Variants in SCN11A observed in about 807,000 individuals in gnomAD.
SCN11A encodes sodium voltage-gated channel alpha subunit 11, also known as sodium channel protein type 11 subunit alpha.
Under a neutral mutation model 162.2 loss-of-function variants are expected in SCN11A, and 122 were observed. The observed-to-expected ratio is 0.75, with a 90% CI of 0.65 to 0.87. The LOEUF (loss-of-function observed/expected upper bound fraction) is 0.87, where lower values mean the gene tolerates loss of function less well. Ranked by LOEUF, SCN11A falls within the 40% of genes least tolerant of loss-of-function variation. The probability of loss-of-function intolerance (pLI) is 0.00; values close to 1 mark genes in which losing one functional copy is unlikely to be tolerated. For missense variants in SCN11A, 2,015 were observed against 2,181.6 expected (o/e 0.92, Z 1.52); for synonymous variants, 758 against 751.5 (o/e 1.01, Z -0.14).
intron 28 of SCN11A, among the ~76,000 whole-genome samples, chr3:38,858,036 AAAACAAAACAAACAAAC>A (rs2064899122): frequency 6.6e-6 from 1 of 152,150 alleles, no homozygotes; most frequent in Non-Finnish European, 1.5e-5. Context: ...ACACCAAAAC[AAAACAAAACAAACAAAC>A]AAACAAAACC....
chr3:38,858,574 G>T (rs1157759657), intron 28 of SCN11A, among the ~76,000 whole-genome samples: 1 of 152,100 alleles, frequency 6.6e-6, no homozygotes, highest in Non-Finnish European at 1.5e-5. Flanking sequence ...GGAGACTTCA[G>T]TATTCCACTG....
At chr3:38,938,509 C>CATATATATATATATATAT (rs1166609754) in intron 7 of SCN11A, among the ~76,000 whole-genome samples, 1 of 35,526 alleles carries the variant, frequency 2.8e-5, no homozygotes, top group Non-Finnish European at 5.5e-5. Flanking sequence ...GGAAAAATAT[C>CATATATATATATATATAT]ATATATATAT....
rs1392187813 is a variant in SCN11A at position 38,900,081 on chromosome 3, G to A, written c.1843-8C>T. On this transcript the variant is annotated splice_region_variant and splice_polypyrimidine_tract_variant and intron_variant, in intron 16 of 29. Transcript: ENST00000302328. ...AAAAATGCTAGTGAAAACCTAGAGT[G>A]GGACAAAGAAGAATGAGAGAAGGAA... The A allele has an allele frequency of 1.9e-6, 3 of 1,612,044 alleles. No homozygotes were observed. The highest frequency in any genetic ancestry group is 2.5e-6 in the Non-Finnish European group (3 of 1,178,426).
At chr3:38,996,330 C>A (rs1414806140) in intron 2 of SCN11A, among the ~76,000 whole-genome samples, 1 of 152,098 alleles carries the variant, frequency 6.6e-6, no homozygotes, top group Non-Finnish European at 1.5e-5. Flanking sequence ...GCAGGGAGTG[C>A]CTAGCAGATA....
intron 4 of SCN11A, 167 bp from the exon 5 acceptor site, chr3:38,950,536 T>TGAC (rs2066597254): frequency 1.5e-6 from 1 of 649,904 alleles, no homozygotes; most frequent in Admixed American, 2.9e-5. Context: ...TCAGAAGAGA[T>TGAC]GACCACCACT....
Position 38,885,293 on chromosome 3 carries a change from G to C in SCN11A, c.3059C>G (p.Pro1020Arg). 3 of 1,592,184 alleles carry C rather than the reference G, an allele frequency of 1.9e-6. No homozygotes were observed. Among genetic ancestry groups the C allele is most frequent in the Non-Finnish European group, 1.7e-6 (2 of 1,160,132 alleles). The change falls in exon 21 of 30, where the codon CCC (proline) becomes CGC (arginine). Residue 1020 changes from proline to arginine, a missense_variant. Physicochemically the swap from Pro to Arg is moderately radical, Grantham distance 103. Coordinates refer to ENST00000302328, the MANE Select transcript of SCN11A (RefSeq NM_001349253.2). Reference sequence around the variant, plus strand: ...GCAGAAATACTGCCACTTACCTTTGGGCAAACATCTCTCTGGTTGCTTTTT... The same window carrying C: ...GCAGAAATACTGCCACTTACCTTTGCGCAAACATCTCTCTGGTTGCTTTTT... ...VPKKQPERCL[P>R]KGFGCCFPCC...
chr3:38,946,272 C>A (rs780661431), intron 6 of SCN11A, among the ~76,000 whole-genome samples: 1 of 152,184 alleles, frequency 6.6e-6, no homozygotes, highest in Admixed American at 6.5e-5. Flanking sequence ...CTTACTCTAC[C>A]CATTTTTGTC....
intron 2 of SCN11A, among the ~76,000 whole-genome samples, chr3:38,981,537 T>TGTGTGTG (rs2030055079): frequency 1.4e-5 from 2 of 145,868 alleles, no homozygotes; most frequent in Admixed American, 1.4e-4. Flanking sequence ...GTGTGTGTGT[T>TGTGTGTG]TGTGTGTGTG....
At chr3:38,888,132 G>C (rs2065433710) in intron 19 of SCN11A, among the ~76,000 whole-genome samples, 1 of 152,202 alleles carries the variant, frequency 6.6e-6, no homozygotes, top group Admixed American at 6.5e-5. Context: ...GCACTTAAGA[G>C]AGAAAGCCAA....
rs370076546 is a variant in SCN11A, at chr3:38,905,251, T to A, written c.1544A>T (p.Asp515Val). ...CAGTGCTCTCTGCCTTTGGAGAGGA[T>A]CTCCATGCTCATCAAAGTGGTCCAG... The part of the protein sequence containing the change: ...LSLDHFDEHG[D>V]PLQRQRALSA... Residue 515 changes from aspartate (D) to valine (V), a missense_variant, in exon 15 of 30, where the codon GAT (aspartate) becomes GTT (valine). By Grantham distance (152) the Asp-to-Val change is radical. Coordinates refer to ENST00000302328, the MANE Select transcript of SCN11A (RefSeq NM_001349253.2). 1.2e-6 allele frequency: 2 copies of A among 1,613,976 alleles called. No individual in the cohort carries two copies. The highest frequency in any genetic ancestry group is 1.7e-6 in the Non-Finnish European group (2 of 1,179,982).
chr3:38,849,011 G>C (rs904026206), intron 29 of SCN11A, among the ~76,000 whole-genome samples: 1 of 152,182 alleles, frequency 6.6e-6, no homozygotes, highest in Non-Finnish European at 1.5e-5. Flanking sequence ...CTACCGCTGA[G>C]TATTATTTGG....
rs1351756131 is a variant in SCN11A at position 38,894,542 on chromosome 3, A to G, written c.2826T>C (p.Pro942=). 1.2e-6 allele frequency: 2 copies of G among 1,602,214 alleles called. No homozygotes were observed. Among genetic ancestry groups the G allele is most frequent in the African/African-American group, 2.7e-5 (2 of 74,668 alleles). Residue 942 remains proline, a synonymous_variant, in exon 19 of 30, where the codon CCT becomes CCC. Transcript: ENST00000302328. The part of the protein sequence containing the change: ...DNAQRITQPE[P]EQQAYELHQE... ...GTGTGAACCTTCATACCTGTTGTTC[A>G]GGCTCAGGTTGTGTGATGCGCTGTG...
rs35693485 is a variant in SCN11A, at chr3:38,883,320, G to C, written c.3132C>G (p.Asn1044Lys). ...CTATTTGGTAGCAGGTTTTCCGCAG[G>C]TTCCACCAAATGACCCAGGGAGGCT... is the stretch of plus-strand genomic sequence containing the variant. ...KRKPPWVIWW[N>K]LRKTCYQIVK... Residue 1044 changes from asparagine (N) to lysine (K), a missense_variant, in exon 22 of 30, where the codon AAC becomes AAG. By Grantham distance (94) the Asn-to-Lys change is moderately conservative (BLOSUM62 0). Transcript: ENST00000302328. The C allele has an allele frequency of 1.0e-3, 1,652 of 1,613,948 alleles. 8 individuals carry two copies. The African/African-American group carries it at 0.013, about 12-fold the overall frequency.
Position 38,894,712 on chromosome 3 carries a change from C to A in SCN11A, c.2656G>T (p.Glu886Ter), listed in dbSNP as rs759833419. ...TGGGTCTCTGAGCCCCTTTTCATCT[C>A]CATGACCAGGGGAATGATGTCTTTG... ...QSKDIIPLVM[E>*]MKRGSETQEE... is the part of the protein sequence containing the mutation. Residue 886 changes from glutamate to a stop codon, truncating the protein, a stop_gained, in exon 19 of 30, where the codon GAG (glutamate) becomes TAG (stop). Transcript: ENST00000302328. LOFTEE classifies it high-confidence loss of function. 1.2e-6 allele frequency: 2 copies of A among 1,614,180 alleles called. No individual in the cohort carries two copies. Among genetic ancestry groups the A allele is most frequent in the East Asian group, 4.5e-5 (2 of 44,886 alleles).
intron 19 of SCN11A, 101 bp downstream of exon 19, chr3:38,894,432 C>G: frequency 1.0e-6 from 1 of 976,600 alleles, no homozygotes; most frequent in Admixed American, 2.3e-5. Context: ...GTTTTGTACC[C>G]TTATTATCCT....
chr3:39,017,951 A>G (rs1222875058), intron 2 of SCN11A, among the ~76,000 whole-genome samples: 2 of 152,226 alleles, frequency 1.3e-5, no homozygotes, highest in Non-Finnish European at 2.9e-5. Flanking sequence ...GTATTCCTAT[A>G]AATATTCTTA....
intron 29 of SCN11A, chr3:38,849,257 C>CTTTTTTTTTTTTTTTTTT: frequency 1.4e-5 from 1 of 69,858 alleles, no homozygotes; most frequent in Non-Finnish European, 2.5e-5. Context: ...TTTTCTAGCC[C>CTTTTTTTTTTTTTTTTTT]TTTTTTTTTT....
Position 38,953,674 on chromosome 3 carries a change from C to G in SCN11A, c.-53G>C, listed in dbSNP as rs1156887464. Among the ~76,000 whole-genome samples the G allele has an allele frequency of 6.6e-6, 1 of 151,990 alleles. No individual in the cohort carries two copies. The highest frequency in any genetic ancestry group is 6.5e-5 in the Admixed American group (1 of 15,270). On this transcript the variant is annotated 5_prime_UTR_variant, in exon 4 of 30. Transcript: ENST00000302328. ...GATGAGAGGACAGTGTGGCCACTCA[C>G]TGAGACAGAGAGTGCAAGAAAAGGA...
chr3:38,951,402 G>T (rs1433493233), intron 4 of SCN11A, among the ~76,000 whole-genome samples: 3 of 152,248 alleles, frequency 2.0e-5, no homozygotes, highest in Non-Finnish European at 4.4e-5. Context: ...GCAGGGCTTG[G>T]GACCTGCAGC....
Sources: allele counts gnomAD v4.1 joint callset (sites outside exome capture counted in the v4.1 genomes callset), GRCh38; gene constraint gnomAD v4.1.1; transcripts MANE v1.5; gene names NCBI Gene and HGNC (gene_info 2026-07-23, HGNC 2026-07-21).